The following GPD1 variants were observed in gnomAD, a reference collection of about 807,000 sequenced individuals.
The protein encoded by GPD1 is glycerol-3-phosphate dehydrogenase [NAD(+)], cytoplasmic.
In GPD1, 19 loss-of-function variants were observed where a neutral mutation model predicts 34.4. The ratio of observed to expected loss-of-function variants is 0.55; its 90% CI spans 0.39 to 0.81. The LOEUF (loss-of-function observed/expected upper bound fraction) is 0.81. Ranked by LOEUF, GPD1 falls within the 30% of genes least tolerant of loss-of-function variation. The probability of loss-of-function intolerance (pLI) is 0.00; values close to 1 mark genes in which losing one functional copy is unlikely to be tolerated. For missense variants in GPD1, 429 were observed against 447.0 expected (o/e 0.96, Z 0.36); for synonymous variants, 172 against 174.1 (o/e 0.99, Z 0.09).
rs144416246 is a variant in GPD1 at position 50,107,581 on chromosome 12, G to T, written c.627G>T (p.Val209=). Residue 209 remains valine, a synonymous_variant, in exon 6 of 8, where the codon GTG becomes GTT. Transcript: ENST00000301149. ...ACTCCTTCAAGAATGTAGTGGCCGTGGGGGCTGGCTTCTGTGATGGCCTGG... is the reference window on the plus strand; with the variant it reads ...ACTCCTTCAAGAATGTAGTGGCCGTTGGGGCTGGCTTCTGTGATGGCCTGG... ...ICGALKNVVA[V]GAGFCDGLGF... 46 of 1,613,824 alleles carry T rather than the reference G, an allele frequency of 2.9e-5. No individual in the cohort carries two copies. In the African/African-American group the frequency reaches 4.5e-4, roughly 16 times the overall value.
At position 50,105,646 on chromosome 12, in the gene GPD1, G is replaced by A; in HGVS notation, c.318G>A (p.Lys106=). 1 of 1,614,198 alleles carries A rather than the reference G, an allele frequency of 6.2e-7. No individual in the cohort carries two copies. The highest frequency in any genetic ancestry group is 8.5e-7 in the Non-Finnish European group (1 of 1,180,020). ...TCGGCAAGATCTGTGACCAGCTCAA[G>A]GGCCATCTGAAGGCAAACGCCACTG... ...QFIGKICDQL[K]GHLKANATGI... is the part of the protein sequence containing the mutation. The change falls in exon 3 of 8, where the codon AAG becomes AAA. Residue 106 remains lysine (K), a synonymous_variant. Coordinates refer to ENST00000301149, the MANE Select transcript of GPD1 (RefSeq NM_005276.4).
Position 50,105,619 on chromosome 12 carries a change from C to T in GPD1, c.291C>T (p.Phe97=), listed in dbSNP as rs192019432. 1.1e-5 allele frequency: 17 copies of T among 1,614,092 alleles called. No homozygotes were observed. The highest frequency in any genetic ancestry group is 1.7e-5 in the Admixed American group (1 of 60,022). ...DILIFVVPHQ[F]IGKICDQLKG... is the part of the protein sequence containing the mutation. ...TGATCTTTGTGGTGCCCCATCAGTTCATCGGCAAGATCTGTGACCAGCTCA... is the reference window on the plus strand; with the variant it reads ...TGATCTTTGTGGTGCCCCATCAGTTTATCGGCAAGATCTGTGACCAGCTCA... The change falls in exon 3 of 8, where the codon TTC becomes TTT. Residue 97 remains phenylalanine (F), a synonymous_variant. Coordinates refer to ENST00000301149, the MANE Select transcript of GPD1 (RefSeq NM_005276.4).
Position 50,106,831 on chromosome 12 carries a change from C to T in GPD1, c.526C>T (p.Leu176Phe). The T allele has an allele frequency of 1.2e-6, 2 of 1,608,832 alleles. No homozygotes were observed. Among genetic ancestry groups the T allele is most frequent in the Non-Finnish European group, 1.7e-6 (2 of 1,175,950 alleles). Residue 176 changes from leucine to phenylalanine, a missense_variant, in exon 5 of 8, where the codon CTC becomes TTC. By Grantham distance (22) the Leu-to-Phe change is conservative. Coordinates refer to ENST00000301149, the MANE Select transcript of GPD1 (RefSeq NM_005276.4). The stretch of plus-strand genomic sequence containing the variant: ...CTGCAAGGACCCGGCCCAGGGACAA[C>T]TCCTGAAAGAGCTGATGCAGACACC... ...IGCKDPAQGQ[L>F]LKELMQTPNF... is the part of the protein sequence containing the mutation.
Position 50,104,749 on chromosome 12 carries a change from G to A in GPD1, c.217G>A (p.Val73Met). The A allele has an allele frequency of 6.2e-7, 1 of 1,613,338 alleles. No homozygotes were observed. The highest frequency in any genetic ancestry group is 1.1e-5 in the South Asian group (1 of 91,016). Residue 73 changes from valine to methionine, a missense_variant and splice_region_variant, in exon 2 of 8, where the codon GTG (valine) becomes ATG (methionine). By Grantham distance (21) the Val-to-Met change is conservative. Transcript: ENST00000301149. Reference sequence around the variant, plus strand: ...GCCAGGGCACAAGTTGCCCCCAAATGTGGTGAGCCCCAACACCCTGCGAAG... The same window carrying A: ...GCCAGGGCACAAGTTGCCCCCAAATATGGTGAGCCCCAACACCCTGCGAAG... Reference protein sequence around the residue: ...YLPGHKLPPNVVAVPDVVQAA... With the variant: ...YLPGHKLPPNMVAVPDVVQAA...
Position 50,108,058 on chromosome 12 carries a change from G to A in GPD1, c.881G>A (p.Gly294Glu), listed in dbSNP as rs1360101862. The change falls in exon 7 of 8, where the codon GGG becomes GAG. Residue 294 changes from glycine to glutamate, a missense_variant. Physicochemically the swap from Gly to Glu is moderately conservative, Grantham distance 98. Transcript: ENST00000301149. ...IEQLEKELLN[G>E]QKLQGPETAR... ...CAGCTGGAGAAAGAGTTGCTGAATG[G>A]GCAGAAACTGCAGGGGCCCGAGACA... 1 of 1,612,856 alleles carries A rather than the reference G, an allele frequency of 6.2e-7. No homozygotes were observed. The highest frequency in any genetic ancestry group is 8.5e-7 in the Non-Finnish European group (1 of 1,179,198).
rs773695657 is a variant in GPD1 at position 50,105,560 on chromosome 12, G to T, written c.232G>T (p.Asp78Tyr). 1.9e-6 allele frequency: 3 copies of T among 1,613,304 alleles called. No homozygotes were observed. In the South Asian group the frequency reaches 3.3e-5, roughly 18 times the overall value. The change falls in exon 3 of 8, where the codon GAT (aspartate) becomes TAT (tyrosine). Residue 78 changes from aspartate to tyrosine, a missense_variant. Asp to Tyr is a radical substitution (Grantham distance 160, BLOSUM62 -3). Coordinates refer to ENST00000301149, the MANE Select transcript of GPD1 (RefSeq NM_005276.4). ...GTCACCCCCACAGGTGGCTGTCCCAGATGTGGTCCAGGCTGCAGAGGATGC... is the reference window on the plus strand; with the variant it reads ...GTCACCCCCACAGGTGGCTGTCCCATATGTGGTCCAGGCTGCAGAGGATGC... ...KLPPNVVAVP[D>Y]VVQAAEDADI...
At chr12:50,104,876 C>A in intron 2 of GPD1, 125 bp downstream of exon 2, 1 of 723,630 alleles carries the variant, frequency 1.4e-6, no homozygotes, top group South Asian at 1.7e-5. Flanking sequence ...TTGGGAAGGT[C>A]TCAGGAGGGC....
intron 2 of GPD1, 174 bp from the exon 3 acceptor site, chr12:50,105,374 G>A (rs915537399): frequency 1.6e-6 from 1 of 631,328 alleles, no homozygotes; most frequent in African/African-American, 1.8e-5. Flanking sequence ...GGTAGCTGGG[G>A]GGAGGGAGTA....
rs1315222792 is a variant in GPD1, at chr12:50,110,713, GACA to G, written c.*1198_*1200del. 1.3e-5 allele frequency: 2 copies of G among 152,698 alleles called. No homozygotes were observed. The highest frequency in any genetic ancestry group is 4.8e-5 in the African/African-American group (2 of 41,432). The allele number at this position is 152,698 out of a possible 1,614,324, so 9.5% of individuals were successfully genotyped here. ...AATGAGGGCCTTCTCGTGAGGTACT[GACA>G]ACACCAGCAACTCGAGAGCTGGGAA... On this transcript the variant is annotated 3_prime_UTR_variant, in exon 8 of 8. Coordinates refer to ENST00000301149, the MANE Select transcript of GPD1 (RefSeq NM_005276.4).
Position 50,109,705 on chromosome 12 carries a change from C to T in GPD1, c.*186C>T, listed in dbSNP as rs1951008925. On this transcript the variant is annotated 3_prime_UTR_variant, in exon 8 of 8. Transcript: ENST00000301149. The stretch of plus-strand genomic sequence containing the variant: ...AGATCCTGAACTGTCAAGCCACTGG[C>T]AGCCTCATGCCACCACATTTGCCAG... The T allele has an allele frequency of 1.8e-6, 1 of 570,630 alleles. No individual in the cohort carries two copies. 35.3% of individuals were successfully genotyped at this position (570,630 alleles called of 1,614,324 possible).
At chr12:50,104,519 A>C in intron 1 of GPD1, 55 bp from the exon 2 acceptor site, 1 of 1,409,566 alleles carries the variant, frequency 7.1e-7, no homozygotes, top group Non-Finnish European at 1.0e-6. Context: ...GCGCTGCCCC[A>C]ACTCCTGCCA....
In GPD1 at chr12:50,109,502, C is replaced by T; in HGVS notation, c.1033C>T (p.His345Tyr). The change falls in exon 8 of 8, where the codon CAT becomes TAT. Residue 345 changes from histidine to tyrosine, a missense_variant. His to Tyr is a moderately conservative substitution (Grantham distance 83). Coordinates refer to ENST00000301149, the MANE Select transcript of GPD1 (RefSeq NM_005276.4). ...TGAATTCATCCACTGCCTGCAGAAT[C>T]ATCCAGAACATATGTGAGTGGGGCC... ...VGEFIHCLQN[H>Y]PEHM The T allele has an allele frequency of 6.4e-7, 1 of 1,555,646 alleles. No homozygotes were observed. The highest frequency in any genetic ancestry group is 8.9e-7 in the Non-Finnish European group (1 of 1,126,392).
At chr12:50,105,741 G>C in intron 3 of GPD1, 53 bp downstream of exon 3, 1 of 1,575,500 alleles carries the variant, frequency 6.3e-7, no homozygotes, top group Non-Finnish European at 8.7e-7. Context: ...ACTGTTGTGG[G>C]GTTCAGGGTG....
intron 7 of GPD1, among the ~76,000 whole-genome samples, chr12:50,109,012 G>A (rs1222009749): frequency 1.3e-5 from 2 of 151,918 alleles, no homozygotes; most frequent in South Asian, 2.1e-4. Flanking sequence ...GTGTGTGCCT[G>A]TAATCCCAGC....
chr12:50,104,535 C>T, intron 1 of GPD1, 39 bp from the exon 2 acceptor site: 1 of 1,545,098 alleles, frequency 6.5e-7, no homozygotes, highest in Non-Finnish European at 9.0e-7. Context: ...TGCCACTGTT[C>T]CCTCCTCCTG....
At position 50,107,691 on chromosome 12, in the gene GPD1, C is replaced by T. The variant is rs1950991252; in HGVS notation, c.737C>T (p.Pro246Leu). ...TTCGCCAAGCTCTTCTGCAGTGGCC[C>T]TGTGTCCTCTGCCACCTTCTTGGAG... ...IAFAKLFCSG[P>L]VSSATFLESC... The change falls in exon 6 of 8, where the codon CCT (proline) becomes CTT (leucine). Residue 246 changes from proline to leucine, a missense_variant. Physicochemically the swap from Pro to Leu is moderately conservative, Grantham distance 98. Transcript: ENST00000301149. 6.2e-7 allele frequency: 1 copy of T among 1,613,576 alleles called. No individual in the cohort carries two copies. Among genetic ancestry groups the T allele is most frequent in the African/African-American group, 1.3e-5 (1 of 74,904 alleles).
chr12:50,106,988 G>A, intron 5 of GPD1, 71 bp downstream of exon 5: 1 of 883,774 alleles, frequency 1.1e-6, no homozygotes, highest in South Asian at 1.3e-5. Flanking sequence ...AGCTCTGCAA[G>A]GCTGCAGGTA....
At chr12:50,108,888 GCA>G (rs1306120966) in intron 7 of GPD1, among the ~76,000 whole-genome samples, 1 of 152,154 alleles carries the variant, frequency 6.6e-6, no homozygotes, top group Non-Finnish European at 1.5e-5. Context: ...TGTAATCCCA[GCA>G]CTTTGGGAGG....
intron 2 of GPD1, chr12:50,105,175 T>C: frequency 3.2e-6 from 1 of 309,248 alleles, no homozygotes; most frequent in Non-Finnish European, 6.0e-6. Flanking sequence ...GCAGAAAGGC[T>C]GGGGCTCCCC....
Sources: gnomAD v4.1 joint callset for allele counts (sites outside exome capture counted in the v4.1 genomes callset) on GRCh38, gnomAD v4.1.1 for gene constraint, MANE v1.5 for transcripts, NCBI Gene and HGNC (gene_info 2026-07-23, HGNC 2026-07-21) for gene names.